Variants in ADAMTS9 observed in about 807,000 individuals in gnomAD.
ADAMTS9 encodes ADAM metallopeptidase with thrombospondin type 1 motif 9.
In ADAMTS9, 107 loss-of-function variants were observed where a neutral mutation model predicts 257.1. The ratio of observed to expected loss-of-function variants is 0.42; its 90% CI spans 0.36 to 0.49. The LOEUF (loss-of-function observed/expected upper bound fraction) is 0.49. ADAMTS9 is among the 20% of genes least tolerant of loss of function. ADAMTS9 has a pLI of 0.03. For missense variants in ADAMTS9, 2,353 were observed against 2,469.1 expected (o/e 0.95, Z 1.00); for synonymous variants, 982 against 880.9 (o/e 1.11, Z -2.03).
chr3:64,594,223 G>C (rs759242723), intron 28 of ADAMTS9, 35 bp downstream of exon 28: 1 of 1,586,434 alleles, frequency 6.3e-7, no homozygotes, highest in South Asian at 1.2e-5. Flanking sequence ...GAATTAGATA[G>C]TTTGGTTAAC....
intron 32 of ADAMTS9, among the ~76,000 whole-genome samples, chr3:64,542,504 G>A (rs552745342): frequency 9.4e-5 from 14 of 148,432 alleles, no homozygotes; most frequent in African/African-American, 3.2e-4. Flanking sequence ...CACAGCTCAC[G>A]GCAATCTCCG....
At chr3:64,601,786 T>A (rs1368210309) in intron 26 of ADAMTS9, among the ~76,000 whole-genome samples, 158 bp downstream of exon 26, 1 of 152,188 alleles carries the variant, frequency 6.6e-6, no homozygotes, top group Non-Finnish European at 1.5e-5. Flanking sequence ...CATCAAGGGC[T>A]GTAATTAACC....
rs1165380833 is a variant in ADAMTS9 at position 64,551,082 on chromosome 3, G to GA, written c.4699-21dup. On this transcript the variant is annotated intron_variant, in intron 30 of 39. Coordinates refer to ENST00000498707, the MANE Select transcript of ADAMTS9 (RefSeq NM_182920.2). The stretch of plus-strand genomic sequence containing the variant: ...GGTGCACTGTTAAATACAAGCAAAA[G>GA]AGAAGAATAAACCGTAGTTCCTTAT... The GA allele has an allele frequency of 6.2e-7, 1 of 1,612,836 alleles. No homozygotes were observed. Among genetic ancestry groups the GA allele is most frequent in the Non-Finnish European group, 8.5e-7 (1 of 1,179,078 alleles).
intron 28 of ADAMTS9, among the ~76,000 whole-genome samples, chr3:64,576,518 A>T (rs1343224590): frequency 6.6e-6 from 1 of 152,208 alleles, no homozygotes; most frequent in Non-Finnish European, 1.5e-5. Context: ...ATGGAGAGAA[A>T]GCTTTACCAG....
At chr3:64,582,443 C>T (rs770201932) in intron 28 of ADAMTS9, 16 of 152,160 alleles carry the variant, frequency 1.1e-4, no homozygotes, top group Admixed American at 5.2e-4. Flanking sequence ...TCAGACTTCT[C>T]TGACTTAACA....
intron 3 of ADAMTS9, among the ~76,000 whole-genome samples, chr3:64,671,963 C>T (rs549171212): frequency 6.0e-4 from 91 of 152,286 alleles, no homozygotes; most frequent in Middle Eastern, 3.4e-3. Flanking sequence ...GATAAAATAG[C>T]ACTTTATTAA....
intron 3 of ADAMTS9, among the ~76,000 whole-genome samples, chr3:64,665,514 A>C (rs1305411986): frequency 6.6e-6 from 1 of 152,250 alleles, no homozygotes; most frequent in Non-Finnish European, 1.5e-5. Flanking sequence ...CGAATGAATA[A>C]ATATCATTAT....
chr3:64,629,696 C>T (rs758641600), intron 16 of ADAMTS9, among the ~76,000 whole-genome samples: 12 of 152,152 alleles, frequency 7.9e-5, no homozygotes, highest in South Asian at 2.1e-4. Context: ...GTTTATTGTC[C>T]CACTAAAAAG....
In ADAMTS9 at chr3:64,607,040, C is replaced by T. The variant is rs937629575; in HGVS notation, c.3394G>A (p.Val1132Met). Residue 1132 changes from valine (V) to methionine (M), a missense_variant, in exon 23 of 40, where the codon GTG becomes ATG. This residue lies in a region of ADAMTS9 where 1,402 missense variants were observed against 1,441.4 expected (regional missense o/e 0.97). Coordinates refer to ENST00000498707, the MANE Select transcript of ADAMTS9 (RefSeq NM_182920.2). ...TCGQGYQLRA[V>M]KCIIGTYMSV... ...ATATAAGTCCCAATGATGCATTTCA[C>T]TGCTCTTAGCTGGTATCCCTGTCCA... The T allele has an allele frequency of 1.9e-6, 3 of 1,613,754 alleles. No homozygotes were observed. The highest frequency in any genetic ancestry group is 2.2e-5 in the East Asian group (1 of 44,858).
intron 28 of ADAMTS9, chr3:64,589,825 A>AGTATTTT (rs1304760695): frequency 2.0e-5 from 3 of 152,196 alleles, no homozygotes; most frequent in Non-Finnish European, 4.4e-5. Context: ...TAGTTGTTGT[A>AGTATTTT]GTATTTTATT....
intron 37 of ADAMTS9, 66 bp downstream of exon 37, chr3:64,539,137 C>T (rs2083089160): frequency 6.8e-7 from 1 of 1,472,436 alleles, no homozygotes; most frequent in Admixed American, 1.7e-5. Context: ...ACAGATGCAA[C>T]TGAGGATGTT....
intron 28 of ADAMTS9, among the ~76,000 whole-genome samples, chr3:64,593,961 A>ATGTGTGTGTGTGTGTG (rs200112357): frequency 3.0e-4 from 33 of 108,262 alleles, no homozygotes; most frequent in Non-Finnish European, 4.5e-4. Context: ...TGTGTGTATG[A>ATGTGTGTGTGTGTGTG]TGTGTGTGTG....
intron 38 of ADAMTS9, 166 bp from the exon 39 acceptor site, chr3:64,522,426 G>T (rs998738211): frequency 3.9e-6 from 2 of 510,804 alleles, no homozygotes; most frequent in Non-Finnish European, 6.9e-6. Context: ...GCAAACTTCA[G>T]CCTGTGAGCC....
At chr3:64,561,387 T>C (rs1188291646) in intron 30 of ADAMTS9, 191 bp downstream of exon 30, 2 of 474,932 alleles carry the variant, frequency 4.2e-6, no homozygotes, top group Non-Finnish European at 7.1e-6. Context: ...ACGTAGGAAT[T>C]GCTTAAAAAC....
chr3:64,519,268 G>A (rs943216165), intron 39 of ADAMTS9, among the ~76,000 whole-genome samples: 10 of 152,112 alleles, frequency 6.6e-5, no homozygotes, highest in African/African-American at 2.4e-4. Context: ...ACTTGCATTA[G>A]AATTCTCTGT....
chr3:64,545,154 T>C (rs573267029), intron 32 of ADAMTS9, among the ~76,000 whole-genome samples: 3 of 152,332 alleles, frequency 2.0e-5, no homozygotes, highest in African/African-American at 4.8e-5. Context: ...TTTTCCACTG[T>C]TGGTGGGACT....
In ADAMTS9 at chr3:64,615,976, T is replaced by C. The variant is rs2084754695; in HGVS notation, c.3008A>G (p.Tyr1003Cys). Reference protein sequence around the residue: ...SGECNTGGWRYSAWTECSKSC... With the variant: ...SGECNTGGWRCSAWTECSKSC... ...CCAACTTACTTCAGTCCAGGCAGAA[T>C]AGCGCCAGCCACCCGTGTTACATTC... The change falls in exon 20 of 40, where the codon TAT becomes TGT. Residue 1003 changes from tyrosine to cysteine, a missense_variant. By Grantham distance (194) the Tyr-to-Cys change is radical. Around this residue, in one of 3 missense-constraint regions of ADAMTS9, gnomAD observed 1,402 missense variants for 1,441.4 expected, o/e 0.97. Coordinates refer to ENST00000498707, the MANE Select transcript of ADAMTS9 (RefSeq NM_182920.2). 12 of 1,613,258 alleles carry C rather than the reference T, an allele frequency of 7.4e-6. No individual in the cohort carries two copies. Among genetic ancestry groups the C allele is most frequent in the Non-Finnish European group, 1.0e-5 (12 of 1,179,940 alleles).
At chr3:64,565,042 G>C (rs1038575229) in intron 29 of ADAMTS9, among the ~76,000 whole-genome samples, 5 of 152,152 alleles carry the variant, frequency 3.3e-5, no homozygotes, top group Non-Finnish European at 7.4e-5. Flanking sequence ...GTGTGGGTGA[G>C]AGGCCTGTCT....
At chr3:64,673,183 G>T (rs926267184) in intron 3 of ADAMTS9, among the ~76,000 whole-genome samples, 1 of 151,538 alleles carries the variant, frequency 6.6e-6, no homozygotes, top group African/African-American at 2.4e-5. Context: ...TATGCATGAC[G>T]GCACTGTAAA....
Sources: allele counts gnomAD v4.1 joint callset (sites outside exome capture counted in the v4.1 genomes callset), GRCh38; gene constraint gnomAD v4.1.1; regional missense constraint gnomAD v4.1.1; transcripts MANE v1.5; gene names NCBI Gene and HGNC (gene_info 2026-07-23, HGNC 2026-07-21).